Variants in KRTAP4-8 observed in about 807,000 individuals in gnomAD.
KRTAP4-8 encodes keratin associated protein 4-8, also known as keratin-associated protein 4-8.
For synonymous variants in KRTAP4-8, 66 were observed against 86.6 expected (o/e 0.76, Z 1.32); for missense variants, 188 against 237.4 (o/e 0.79, Z 1.37).
chr17:41,098,081 C>A lies in KRTAP4-8; in HGVS notation c.4G>T (p.Val2Phe). MVNSCCGSVCSD... is the reference protein window; with the variant it reads MFNSCCGSVCSD... Reference sequence around the variant, plus strand: ...CACACGGAGCCACAACAGGAGTTGACCATGGTGTCAGAGGGTGAAGGATCT... The same window carrying A: ...CACACGGAGCCACAACAGGAGTTGAACATGGTGTCAGAGGGTGAAGGATCT... Residue 2 changes from valine to phenylalanine, a missense_variant, in exon 1 of 1, where the codon GTC becomes TTC. Coordinates refer to ENST00000333822, the MANE Select transcript of KRTAP4-8 (RefSeq NM_031960.3). 5 of 1,539,048 alleles carry A rather than the reference C, an allele frequency of 3.2e-6. No homozygotes were observed. The highest frequency in any genetic ancestry group is 4.4e-6 in the Non-Finnish European group (5 of 1,144,770).
rs150613353 is a variant in KRTAP4-8, at chr17:41,097,679, G to A, written c.406C>T (p.Arg136Cys). Residue 136 changes from arginine (R) to cysteine (C), a missense_variant, in exon 1 of 1, where the codon CGC becomes TGC. Transcript: ENST00000333822. ...CAGCTGGATTCACAGCAAGAGGGGC[G>A]GCAGCAGCTGGAGATGCTGCAGCTG... Reference protein sequence around the residue: ...RPSCSISSCCRPSCCESSCCR... With the variant: ...RPSCSISSCCCPSCCESSCCR... 9,412 of 1,577,366 alleles carry A rather than the reference G, an allele frequency of 6.0e-3. 607 individuals are homozygous for A. The African/African-American group carries it at 0.12, about 20-fold the overall frequency.
Position 41,097,388 on chromosome 17 carries a change from T to G in KRTAP4-8, c.*139A>C, listed in dbSNP as rs1365369751. 3.9e-6 allele frequency: 5 copies of G among 1,296,322 alleles called. No homozygotes were observed. The highest frequency in any genetic ancestry group is 4.2e-6 in the Non-Finnish European group (4 of 955,644). 80.3% of individuals were successfully genotyped at this position (1,296,322 alleles called of 1,614,324 possible). On this transcript the variant is annotated 3_prime_UTR_variant, in exon 1 of 1. Transcript: ENST00000333822. ...TGTTCTCACAGAGTCAGCGGGATGG[T>G]GATGGGCTCATTGGATACATGAGGT...
chr17:41,097,338 G>A lies in KRTAP4-8; in HGVS notation c.*189C>T. On this transcript the variant is annotated 3_prime_UTR_variant, in exon 1 of 1. Coordinates refer to ENST00000333822, the MANE Select transcript of KRTAP4-8 (RefSeq NM_031960.3). Reference sequence around the variant, plus strand: ...ATGACTGGAAGAAAAAGAAAGCAAGGGAGGGAGTTTAAAATGAACCAGAAT... The same window carrying A: ...ATGACTGGAAGAAAAAGAAAGCAAGAGAGGGAGTTTAAAATGAACCAGAAT... 3.4e-6 allele frequency: 3 copies of A among 892,010 alleles called. No individual in the cohort carries two copies. Among genetic ancestry groups the A allele is most frequent in the Non-Finnish European group, 5.0e-6 (3 of 599,986 alleles). The allele number at this position is 892,010 out of a possible 1,614,324, so 55.3% of individuals were successfully genotyped here.
rs78662167 is a variant in KRTAP4-8, at chr17:41,097,822, G to A, written c.263C>T (p.Thr88Ile). Residue 88 changes from threonine (T) to isoleucine (I), a missense_variant, in exon 1 of 1, where the codon ACC (threonine) becomes ATC (isoleucine). Physicochemically the swap from Thr to Ile is moderately conservative, Grantham distance 89 (BLOSUM62 -1). Transcript: ENST00000333822. ...QCCQSVCCQP[T>I]CCHPSCCISS... ...GATGCAGCAGCTAGGGTGGCAGCAGGTGGGCTGGCAGCACACAGACTGGCA... is the reference window on the plus strand; with the variant it reads ...GATGCAGCAGCTAGGGTGGCAGCAGATGGGCTGGCAGCACACAGACTGGCA... The A allele has an allele frequency of 6.3e-7, 1 of 1,576,628 alleles. No individual in the cohort carries two copies. The highest frequency in any genetic ancestry group is 8.5e-7 in the Non-Finnish European group (1 of 1,174,150).
chr17:41,098,079 G>A lies in KRTAP4-8; in HGVS notation c.6C>T (p.Val2=). 6.5e-7 allele frequency: 1 copy of A among 1,539,608 alleles called. No individual in the cohort carries two copies. Among genetic ancestry groups the A allele is most frequent in the Non-Finnish European group, 8.7e-7 (1 of 1,145,066 alleles). The change falls in exon 1 of 1, where the codon GTC becomes GTT. Residue 2 remains valine (V), a synonymous_variant. Coordinates refer to ENST00000333822, the MANE Select transcript of KRTAP4-8 (RefSeq NM_031960.3). ...AGCACACGGAGCCACAACAGGAGTT[G>A]ACCATGGTGTCAGAGGGTGAAGGAT... M[V]NSCCGSVCSD...
chr17:41,097,617 G>T lies in KRTAP4-8; in HGVS notation c.468C>A (p.Gly156=), dbSNP rs772418212. The T allele has an allele frequency of 6.2e-5, 97 of 1,575,004 alleles. No homozygotes were observed. Among genetic ancestry groups the T allele is most frequent in the Middle Eastern group, 3.4e-4 (2 of 5,870 alleles). The change falls in exon 1 of 1, where the codon GGC becomes GGA. Residue 156 remains glycine, a synonymous_variant. Transcript: ENST00000333822. Reference sequence around the variant, plus strand: ...AGCAAGTGGTGTGGCAGGAGACTCGGCCACAGACTGGACGCAGGCAGCAGC... The same window carrying T: ...AGCAAGTGGTGTGGCAGGAGACTCGTCCACAGACTGGACGCAGGCAGCAGC... ...RPCCCLRPVC[G]RVSCHTTCYR...
rs562306372 is a variant in KRTAP4-8 at position 41,097,494 on chromosome 17, C to T, written c.*33G>A. On this transcript the variant is annotated 3_prime_UTR_variant, in exon 1 of 1. Coordinates refer to ENST00000333822, the MANE Select transcript of KRTAP4-8 (RefSeq NM_031960.3). ...AGAATGGTCTACATTTGTGGACCAGCGGTGAAGGGAGAGATGAGCCAGGGC... is the reference window on the plus strand; with the variant it reads ...AGAATGGTCTACATTTGTGGACCAGTGGTGAAGGGAGAGATGAGCCAGGGC... The T allele has an allele frequency of 1.4e-4, 210 of 1,544,140 alleles. 1 individual carries two copies. Among genetic ancestry groups the T allele is most frequent in the Admixed American group, 1.8e-4 (9 of 50,658 alleles).
rs1307674192 is a variant in KRTAP4-8, at chr17:41,098,124, A to T, written c.-40T>A. ...AAGGATCTATTTGGGTTTCCAAGAG[A>T]GTAAAGTTCTTGAGTTTGGAAGTTT... On this transcript the variant is annotated 5_prime_UTR_variant, in exon 1 of 1. Transcript: ENST00000333822. The T allele has an allele frequency of 1.3e-6, 2 of 1,551,496 alleles. No homozygotes were observed. The highest frequency in any genetic ancestry group is 1.7e-6 in the Non-Finnish European group (2 of 1,147,164).
chr17:41,097,441 C>A lies in KRTAP4-8; in HGVS notation c.*86G>T. On this transcript the variant is annotated 3_prime_UTR_variant, in exon 1 of 1. Transcript: ENST00000333822. ...ACCCTGCTGAATGACATAAATCCCA[C>A]TCCATGTGTCCTAATATTCAGCACA... is the stretch of plus-strand genomic sequence containing the variant. The A allele has an allele frequency of 6.7e-7, 1 of 1,490,082 alleles. No individual in the cohort carries two copies. Among genetic ancestry groups the A allele is most frequent in the African/African-American group, 1.4e-5 (1 of 71,854 alleles). The allele number at this position is 1,490,082 out of a possible 1,614,324, so 92.3% of individuals were successfully genotyped here.
chr17:41,097,943 A>C lies in KRTAP4-8; in HGVS notation c.142T>G (p.Cys48Gly), dbSNP rs759611999. Residue 48 changes from cysteine (C) to glycine (G), a missense_variant, in exon 1 of 1, where the codon TGC (cysteine) becomes GGC (glycine). Physicochemically the swap from Cys to Gly is radical, Grantham distance 159 (BLOSUM62 -3). Transcript: ENST00000333822. ...TCYRPSYSVS[C>G]CCRPQCCQSV... The stretch of plus-strand genomic sequence containing the variant: ...TGGCAGCACTGGGGTCTGCAGCAGC[A>C]GGACACACTGTAGCTGGGGCGGTAG... The C allele has an allele frequency of 6.2e-7, 1 of 1,601,542 alleles. No individual in the cohort carries two copies. The highest frequency in any genetic ancestry group is 8.5e-7 in the Non-Finnish European group (1 of 1,173,640).
chr17:41,097,664 C>G lies in KRTAP4-8; in HGVS notation c.421G>C (p.Glu141Gln), dbSNP rs1437013734. The change falls in exon 1 of 1, where the codon GAA becomes CAA. Residue 141 changes from glutamate (E) to glutamine (Q), a missense_variant. Coordinates refer to ENST00000333822, the MANE Select transcript of KRTAP4-8 (RefSeq NM_031960.3). ...ISSCCRPSCC[E>Q]SSCCRPCCCL... ...CAGCAGGGGCGGCAGCAGCTGGATT[C>G]ACAGCAAGAGGGGCGGCAGCAGCTG... 1 of 1,592,078 alleles carries G rather than the reference C, an allele frequency of 6.3e-7. No individual in the cohort carries two copies.
Position 41,097,301 on chromosome 17 carries a change from G to T in KRTAP4-8, c.*226C>A, listed in dbSNP as rs138408064. 8.9e-6 allele frequency: 6 copies of T among 672,502 alleles called. No homozygotes were observed. Among genetic ancestry groups the T allele is most frequent in the Non-Finnish European group, 1.5e-5 (6 of 403,800 alleles). The allele number at this position is 672,502 out of a possible 1,614,324, so 41.7% of individuals were successfully genotyped here. A position where few individuals can be genotyped will look rare whatever the true frequency, so the allele number is the denominator to read the frequency against. ...TAGCTAGTGGATTACAAATTAATTC[G>T]TATTTGGTGCCATGACTGGAAGAAA... is the stretch of plus-strand genomic sequence containing the variant. On this transcript the variant is annotated 3_prime_UTR_variant, in exon 1 of 1. Transcript: ENST00000333822.
chr17:41,097,097 A>G lies in KRTAP4-8; in HGVS notation c.*430T>C. 1 of 198,032 alleles carries G rather than the reference A, an allele frequency of 5.0e-6. No individual in the cohort carries two copies. Among genetic ancestry groups the G allele is most frequent in the Non-Finnish European group, 1.0e-5 (1 of 97,180 alleles). The allele number at this position is 198,032 out of a possible 1,614,324, so 12.3% of individuals were successfully genotyped here. On this transcript the variant is annotated 3_prime_UTR_variant, in exon 1 of 1. Coordinates refer to ENST00000333822, the MANE Select transcript of KRTAP4-8 (RefSeq NM_031960.3). ...GTGAGAGAAAGAGAGAGCAGGGAGAAAGCGGGAGAGCACGGGAGGGGCAGC... is the reference window on the plus strand; with the variant it reads ...GTGAGAGAAAGAGAGAGCAGGGAGAGAGCGGGAGAGCACGGGAGGGGCAGC...
rs975570745 is a variant in KRTAP4-8 at position 41,097,475 on chromosome 17, G to A, written c.*52C>T. 3.7e-5 allele frequency: 56 copies of A among 1,529,906 alleles called. No homozygotes were observed. Among genetic ancestry groups the A allele is most frequent in the Non-Finnish European group, 4.8e-5 (54 of 1,135,726 alleles). 94.8% of individuals were successfully genotyped at this position (1,529,906 alleles called of 1,614,324 possible). A position where few individuals can be genotyped will look rare whatever the true frequency, so the allele number is the denominator to read the frequency against. ...TCCTAATATTCAGCACAGAAGAATG[G>A]TCTACATTTGTGGACCAGCGGTGAA... On this transcript the variant is annotated 3_prime_UTR_variant, in exon 1 of 1. Transcript: ENST00000333822.
chr17:41,097,599 G>C lies in KRTAP4-8; in HGVS notation c.486C>G (p.Thr162=), dbSNP rs1322431843. Residue 162 remains threonine (T), a synonymous_variant, in exon 1 of 1, where the codon ACC becomes ACG. Coordinates refer to ENST00000333822, the MANE Select transcript of KRTAP4-8 (RefSeq NM_031960.3). ...TGACACAGGCTGGGCGATAGCAAGT[G>C]GTGTGGCAGGAGACTCGGCCACAGA... is the stretch of plus-strand genomic sequence containing the variant. ...RPVCGRVSCH[T]TCYRPACVIS... The C allele has an allele frequency of 6.4e-7, 1 of 1,571,356 alleles. No individual in the cohort carries two copies. Among genetic ancestry groups the C allele is most frequent in the Admixed American group, 1.9e-5 (1 of 53,600 alleles).
chr17:41,097,252 A>C lies in KRTAP4-8; in HGVS notation c.*275T>G. 1.2e-5 allele frequency: 7 copies of C among 574,434 alleles called. No individual in the cohort carries two copies. The highest frequency in any genetic ancestry group is 1.8e-5 in the Non-Finnish European group (6 of 327,842). 35.6% of individuals were successfully genotyped at this position (574,434 alleles called of 1,614,324 possible). ...TCAAAATGATTTTAAAAAATGAGGA[A>C]TTTAGAGGATTGGAATAATTTCTTA... On this transcript the variant is annotated 3_prime_UTR_variant, in exon 1 of 1. Coordinates refer to ENST00000333822, the MANE Select transcript of KRTAP4-8 (RefSeq NM_031960.3).
In KRTAP4-8 at chr17:41,097,223, A is replaced by G. The variant is rs1176058497; in HGVS notation, c.*304T>C. The stretch of plus-strand genomic sequence containing the variant: ...TACCTAATTGGGAAGGATATTCTGT[A>G]GGCTCAAAATGATTTTAAAAAATGA... On this transcript the variant is annotated 3_prime_UTR_variant, in exon 1 of 1. Coordinates refer to ENST00000333822, the MANE Select transcript of KRTAP4-8 (RefSeq NM_031960.3). 4 of 516,058 alleles carry G rather than the reference A, an allele frequency of 7.8e-6. No homozygotes were observed. Among genetic ancestry groups the G allele is most frequent in the Non-Finnish European group, 1.4e-5 (4 of 290,794 alleles). The allele number at this position is 516,058 out of a possible 1,614,324, so 32.0% of individuals were successfully genotyped here.
chr17:41,097,573 A>T lies in KRTAP4-8; in HGVS notation c.512T>A (p.Ile171Asn), dbSNP rs1261896596. Residue 171 changes from isoleucine to asparagine, a missense_variant, in exon 1 of 1, where the codon ATC (isoleucine) becomes AAC (asparagine). Transcript: ENST00000333822. Reference protein sequence around the residue: ...HTTCYRPACVISTCPRPVCCA... With the variant: ...HTTCYRPACVNSTCPRPVCCA... ...GCACACGGGGCGGGGGCAGGTGGAG[A>T]TGACACAGGCTGGGCGATAGCAAGT... 8 of 1,568,664 alleles carry T rather than the reference A, an allele frequency of 5.1e-6. No individual in the cohort carries two copies. The East Asian group carries it at 1.9e-4, about 37-fold the overall frequency.
rs577857112 is a variant in KRTAP4-8, at chr17:41,097,971, G to A, written c.114C>T (p.Thr38=). ...SCCQTTCCRT[T]CYRPSYSVSC... ...ACACACTGTAGCTGGGGCGGTAGCA[G>A]GTGGTCCTGCAGCAGGTGGTCTGAC... Residue 38 remains threonine (T), a synonymous_variant, in exon 1 of 1, where the codon ACC becomes ACT. Transcript: ENST00000333822. The A allele has an allele frequency of 5.0e-5, 81 of 1,613,694 alleles. 1 individual carries two copies. The African/African-American group carries it at 9.4e-4, about 19-fold the overall frequency.
Sources: allele counts gnomAD v4.1 joint callset, GRCh38; gene constraint gnomAD v4.1.1; transcripts MANE v1.5; gene names NCBI Gene and HGNC (gene_info 2026-07-23, HGNC 2026-07-21).